Variants in MOB1B observed in about 807,000 individuals in gnomAD.
The protein encoded by MOB1B is MOB kinase activator 1B.
A neutral mutation model predicts 24.4 loss-of-function variants in MOB1B; 19 were observed. The observed-to-expected ratio is 0.78, with a 90% CI of 0.54 to 1.14. The LOEUF (loss-of-function observed/expected upper bound fraction) is 1.14, where lower values mean the gene tolerates loss of function less well. Among genes scored for constraint, MOB1B ranks in the 50% most tolerant of loss-of-function variants. MOB1B has a pLI of 0.00. For synonymous variants in MOB1B, 76 were observed against 82.1 expected (o/e 0.93, Z 0.40); for missense variants, 243 against 259.6 (o/e 0.94, Z 0.44).
chr4:70,922,694 C>T (rs912895103), intron 1 of MOB1B, among the ~76,000 whole-genome samples: 7 of 152,170 alleles, frequency 4.6e-5, no homozygotes, highest in East Asian at 1.9e-4. Flanking sequence ...ATTTTTATTC[C>T]ACCTATAATT....
intron 1 of MOB1B, among the ~76,000 whole-genome samples, chr4:70,921,613 A>T (rs72852972): frequency 6.6e-6 from 1 of 150,988 alleles, no homozygotes; most frequent in African/African-American, 2.4e-5. Context: ...AGTTCAAGCA[A>T]TTCTCTTGCC....
In MOB1B at chr4:70,969,292, A is replaced by G. The variant is rs534552387; in HGVS notation, c.182-639A>G. ...ACCACAGGCATGCACCACCATGCCC[A>G]GCTAATTTTATTTTTATTGGCAGAG... On this transcript the variant is annotated intron_variant, in intron 2 of 5. Transcript: ENST00000309395. Among the ~76,000 whole-genome samples, 19 of 152,176 alleles carry G rather than the reference A, an allele frequency of 1.2e-4. No individual in the cohort carries two copies. The South Asian group carries it at 3.7e-3, about 30-fold the overall frequency.
At chr4:70,928,571 G>A (rs947460692) in intron 1 of MOB1B, among the ~76,000 whole-genome samples, 1 of 152,074 alleles carries the variant, frequency 6.6e-6, no homozygotes, top group African/African-American at 2.4e-5. Context: ...TGGAATTACA[G>A]GTATGAGCCA....
intron 4 of MOB1B, 65 bp downstream of exon 4, chr4:70,975,351 C>A (rs1284698491): frequency 2.5e-6 from 4 of 1,581,620 alleles, no homozygotes; most frequent in Non-Finnish European, 3.4e-6. Flanking sequence ...TAGAATTTTC[C>A]TCCCTCTTTC....
At chr4:70,921,820 A>G (rs1578353389) in intron 1 of MOB1B, among the ~76,000 whole-genome samples, 1 of 152,032 alleles carries the variant, frequency 6.6e-6, no homozygotes, top group Non-Finnish European at 1.5e-5. Flanking sequence ...ATTTCTTTAC[A>G]ATACTTCTTA....
rs554642196 is a variant in MOB1B, at chr4:70,985,920, C to T, written c.*3863C>T. On this transcript the variant is annotated 3_prime_UTR_variant, in exon 6 of 6. Transcript: ENST00000309395. ...GTTCAAAGGAATGTGCCATGATTTC[C>T]GAATTTGCACAAGAGAATGTTTTAA... 9.2e-5 allele frequency: 14 copies of T among 152,212 alleles called. No individual in the cohort carries two copies. Among genetic ancestry groups the T allele is most frequent in the African/African-American group, 1.4e-4 (6 of 41,514 alleles). 9.4% of individuals were successfully genotyped at this position (152,212 alleles called of 1,614,324 possible).
At chr4:70,970,388 C>T (rs143710420) in intron 3 of MOB1B, among the ~76,000 whole-genome samples, 1,968 of 152,276 alleles carry the variant, frequency 0.013, 38 homozygotes, top group African/African-American at 0.045. Context: ...ATCTTCAATT[C>T]TATTATCAAA....
intron 1 of MOB1B, among the ~76,000 whole-genome samples, chr4:70,926,264 AT>A (rs750881520): frequency 4.8e-3 from 649 of 135,374 alleles, no homozygotes; most frequent in Middle Eastern, 0.011. Flanking sequence ...GATTACAGCC[AT>A]TTTTTTTTTT....
chr4:70,930,353 C>T (rs1300548538), intron 1 of MOB1B, among the ~76,000 whole-genome samples: 1 of 152,090 alleles, frequency 6.6e-6, no homozygotes. Context: ...ACTTACTTCT[C>T]TTAATTCTTT....
At chr4:70,925,235 C>T (rs1433969933) in intron 1 of MOB1B, among the ~76,000 whole-genome samples, 2 of 152,076 alleles carry the variant, frequency 1.3e-5, no homozygotes, top group South Asian at 4.1e-4. Flanking sequence ...CGGGGTTTCA[C>T]CATATTGGCC....
intron 1 of MOB1B, among the ~76,000 whole-genome samples, chr4:70,955,860 ATTAT>A (rs1186299858): frequency 6.6e-6 from 1 of 151,918 alleles, no homozygotes; most frequent in Non-Finnish European, 1.5e-5. Context: ...GTCTATTTAT[ATTAT>A]TACCATTTAT....
At chr4:70,905,622 C>T (rs1359822325) in intron 1 of MOB1B, among the ~76,000 whole-genome samples, 4 of 152,120 alleles carry the variant, frequency 2.6e-5, no homozygotes, top group Non-Finnish European at 5.9e-5. Flanking sequence ...AAATATTTTC[C>T]TCCCGTTCTT....
chr4:70,903,119 T>G (rs1258843628), intron 1 of MOB1B, among the ~76,000 whole-genome samples: 1 of 152,180 alleles, frequency 6.6e-6, no homozygotes, highest in Non-Finnish European at 1.5e-5. Context: ...CGGGATCCCT[T>G]GGACACAGAC....
intron 1 of MOB1B, among the ~76,000 whole-genome samples, chr4:70,912,512 A>G (rs1430897091): frequency 2.0e-5 from 3 of 152,050 alleles, no homozygotes; most frequent in African/African-American, 7.2e-5. Context: ...CTTTGTCTTC[A>G]GGTGATCCAC....
chr4:70,975,927 T>C (rs1317787358), intron 4 of MOB1B: 12 of 595,426 alleles, frequency 2.0e-5, no homozygotes, highest in Non-Finnish European at 2.3e-5. Flanking sequence ...GAGACAAGAG[T>C]ATCTCTGTAT....
At chr4:70,922,724 TAG>T (rs764580013) in intron 1 of MOB1B, among the ~76,000 whole-genome samples, 5 of 152,228 alleles carry the variant, frequency 3.3e-5, no homozygotes, top group Non-Finnish European at 5.9e-5. Context: ...ATTTGTTTAG[TAG>T]AGTTATACTT....
Position 70,958,904 on chromosome 4 carries a change from AAAG to A in MOB1B, c.51_53del (p.Lys17del), listed in dbSNP as rs2148894111. On this transcript the variant is annotated inframe_deletion, in exon 2 of 6. Transcript: ENST00000309395. ...GTCGCTCTTCTAAAACTTTTAAACC[AAAG>A]AAGAACATTCCAGAGGGTTCTCACC... is the stretch of plus-strand genomic sequence containing the variant. 1 of 1,612,802 alleles carries A rather than the reference AAAG, an allele frequency of 6.2e-7. No individual in the cohort carries two copies. Among genetic ancestry groups the A allele is most frequent in the Middle Eastern group, 1.7e-4 (1 of 6,054 alleles).
intron 1 of MOB1B, among the ~76,000 whole-genome samples, chr4:70,956,595 TAA>T (rs1167135039): frequency 5.3e-5 from 8 of 152,020 alleles, no homozygotes; most frequent in African/African-American, 1.7e-4. Flanking sequence ...CACACTTGGT[TAA>T]GTTTTGTATT....
chr4:70,920,425 A>G (rs1350937974), intron 1 of MOB1B, among the ~76,000 whole-genome samples: 1 of 152,160 alleles, frequency 6.6e-6, no homozygotes, highest in African/African-American at 2.4e-5. Context: ...GGGTTTTACC[A>G]TGTTGGCCAG....
Sources: allele counts gnomAD v4.1 joint callset (sites outside exome capture counted in the v4.1 genomes callset), GRCh38; gene constraint gnomAD v4.1.1; transcripts MANE v1.5; gene names NCBI Gene and HGNC (gene_info 2026-07-23, HGNC 2026-07-21).